Variants in PTBP3 observed in about 807,000 individuals in gnomAD.
The protein encoded by PTBP3 is polypyrimidine tract binding protein 3.
A neutral mutation model predicts 58.7 loss-of-function variants in PTBP3; 20 were observed. The observed-to-expected ratio is 0.34, with a 90% CI of 0.24 to 0.50. The LOEUF is 0.50. PTBP3 is among the 20% of genes least tolerant of loss of function. The pLI, the probability that PTBP3 is intolerant of heterozygous loss-of-function variation, is 0.98. For synonymous variants in PTBP3, 185 were observed against 219.8 expected (o/e 0.84, Z 1.40); for missense variants, 509 against 637.2 (o/e 0.80, Z 2.17).
intron 2 of PTBP3, among the ~76,000 whole-genome samples, chr9:112,284,913 G>C (rs1435269994): frequency 6.6e-6 from 1 of 151,860 alleles, no homozygotes; most frequent in Non-Finnish European, 1.5e-5. Context: ...TAGGCAGAAG[G>C]GACTTGCCTT....
chr9:112,223,782 G>A lies in PTBP3; in HGVS notation c.*69C>T. 18 of 1,603,702 alleles carry A rather than the reference G, an allele frequency of 1.1e-5. No homozygotes were observed. The highest frequency in any genetic ancestry group is 1.4e-5 in the Non-Finnish European group (17 of 1,174,696). ...AAAGAGGCAAAATTGGTCTTGAGCT[G>A]CTTCAGTCTATGTCTGAAGGTTTTA... On this transcript the variant is annotated 3_prime_UTR_variant, in exon 14 of 14. Coordinates refer to ENST00000374257, the MANE Select transcript of PTBP3 (RefSeq NM_001163788.4).
At chr9:112,253,028 C>T (rs987800357) in intron 5 of PTBP3, among the ~76,000 whole-genome samples, 11 of 152,100 alleles carry the variant, frequency 7.2e-5, no homozygotes, top group Non-Finnish European at 1.3e-4. Flanking sequence ...ATAAATGGTA[C>T]AGTATTAAAA....
upstream of PTBP3, among the ~76,000 whole-genome samples, chr9:112,333,845 G>T (rs1448112508): frequency 1.3e-5 from 2 of 149,566 alleles, no homozygotes; most frequent in African/African-American, 4.9e-5. Context: ...CCGCCTCTCG[G>T]CCCCTCGGCC....
At chr9:112,316,695 T>G (rs1258638709) in intron 1 of PTBP3, among the ~76,000 whole-genome samples, 1 of 152,084 alleles carries the variant, frequency 6.6e-6, no homozygotes, top group Non-Finnish European at 1.5e-5. Flanking sequence ...ATCCCAGGAC[T>G]TTGGGAGGCC....
intron 1 of PTBP3, among the ~76,000 whole-genome samples, chr9:112,306,624 T>C (rs984471910): frequency 6.6e-6 from 1 of 150,466 alleles, no homozygotes; most frequent in Non-Finnish European, 1.5e-5. Flanking sequence ...GTTTGTTTGT[T>C]TGTTTGTTTT....
the PTBP3 span, among the ~76,000 whole-genome samples, chr9:112,373,378 A>G: frequency 1.3e-3 from 193 of 152,204 alleles, no homozygotes; most frequent in Non-Finnish European, 2.5e-3. Context: ...GGCCATTCTA[A>G]CCTTTTCACA....
At chr9:112,341,346 AG>A in the PTBP3 span, among the ~76,000 whole-genome samples, 1 of 152,028 alleles carries the variant, frequency 6.6e-6, no homozygotes, top group African/African-American at 2.4e-5. Flanking sequence ...TGGCCAGGCT[AG>A]TCTCGAACTC....
At chr9:112,370,640 G>A in the PTBP3 span, among the ~76,000 whole-genome samples, 1,868 of 152,262 alleles carry the variant, frequency 0.012, 46 homozygotes, top group African/African-American at 0.043. Flanking sequence ...ACATTAATTT[G>A]AGGATTGGCT....
rs185088375 is a variant in PTBP3 at position 112,302,960 on chromosome 9, T to G, written c.-51-5044A>C. On this transcript the variant is annotated intron_variant, in intron 1 of 13. Coordinates refer to ENST00000374257, the MANE Select transcript of PTBP3 (RefSeq NM_001163788.4). ...TGGGGAGAAAAGTAAGTTACTCATG[T>G]TTTTTTTCTATTTTTTTCTCATTCG... Among the ~76,000 whole-genome samples, 360 of 152,110 alleles carry G rather than the reference T, an allele frequency of 2.4e-3. 13 individuals carry two copies. Among genetic ancestry groups the G allele is most frequent in the Admixed American group, 0.023 (348 of 15,282 alleles).
At chr9:112,354,136 CAT>C in the PTBP3 span, among the ~76,000 whole-genome samples, 1 of 152,140 alleles carries the variant, frequency 6.6e-6, no homozygotes, top group African/African-American at 2.4e-5. Context: ...AATCTTTTGA[CAT>C]ATCTGTTCAA....
intron 3 of PTBP3, 151 bp downstream of exon 3, chr9:112,275,693 T>C (rs900155673): frequency 1.1e-5 from 7 of 616,348 alleles, no homozygotes; most frequent in Non-Finnish European, 1.8e-5. Context: ...TGCTTCCTGT[T>C]ACACCCCCCC....
intron 1 of PTBP3, chr9:112,330,362 TA>T (rs1830318039): frequency 9.3e-7 from 1 of 1,078,462 alleles, no homozygotes; most frequent in South Asian, 1.5e-5. Context: ...ATAAAGCAGA[TA>T]ATTTTATGAA....
At chr9:112,248,058 A>T (rs745730103) in intron 7 of PTBP3, among the ~76,000 whole-genome samples, 1 of 152,212 alleles carries the variant, frequency 6.6e-6, no homozygotes, top group Non-Finnish European at 1.5e-5. Flanking sequence ...CTTGCAACTT[A>T]ATTTCAGACA....
At chr9:112,316,380 G>T (rs1829702885) in intron 1 of PTBP3, among the ~76,000 whole-genome samples, 1 of 152,152 alleles carries the variant, frequency 6.6e-6, no homozygotes, top group Non-Finnish European at 1.5e-5. Context: ...TTGCCCTAAG[G>T]AGAGAAGCAC....
intron 4 of PTBP3, among the ~76,000 whole-genome samples, chr9:112,266,988 A>T (rs1206441076): frequency 2.0e-5 from 3 of 152,214 alleles, no homozygotes; most frequent in Non-Finnish European, 4.4e-5. Flanking sequence ...GCCTAAAATA[A>T]GTTAAGGATT....
the PTBP3 span, among the ~76,000 whole-genome samples, chr9:112,373,379 C>A: frequency 6.6e-6 from 1 of 152,180 alleles, no homozygotes; most frequent in Non-Finnish European, 1.5e-5. Context: ...GCCATTCTAA[C>A]CTTTTCACAT....
intron 1 of PTBP3, among the ~76,000 whole-genome samples, chr9:112,301,746 C>G (rs7864724): frequency 0.86 from 130,342 of 152,192 alleles, 56,214 homozygotes; most frequent in African/African-American, 0.95. Context: ...CAGGCACTGT[C>G]CCAATACCAA....
chr9:112,226,900 C>T (rs1467738456), intron 12 of PTBP3, among the ~76,000 whole-genome samples: 1 of 152,174 alleles, frequency 6.6e-6, no homozygotes, highest in African/African-American at 2.4e-5. Context: ...TTGAAGATAA[C>T]TAAAGCACAC....
At chr9:112,245,031 G>A (rs922258660) in intron 7 of PTBP3, among the ~76,000 whole-genome samples, 20 of 152,242 alleles carry the variant, frequency 1.3e-4, no homozygotes, top group Admixed American at 4.6e-4. Flanking sequence ...AAGCTCAGCC[G>A]GGCACAGTAG....
Sources: allele counts gnomAD v4.1 joint callset (sites outside exome capture counted in the v4.1 genomes callset), GRCh38; gene constraint gnomAD v4.1.1; transcripts MANE v1.5; gene names NCBI Gene and HGNC (gene_info 2026-07-23, HGNC 2026-07-21).